The following CDH4 variants were observed in gnomAD, a reference collection of about 807,000 sequenced individuals.
CDH4 encodes the protein cadherin-4.
CDH4 carries 33 observed loss-of-function variants against 86.0 expected under a neutral mutation model. That is an observed-to-expected ratio of 0.38 (90% CI 0.29 to 0.51). The LOEUF is 0.51. Among genes scored for constraint, CDH4 ranks in the 20% least tolerant of loss-of-function variants. The probability of loss-of-function intolerance (pLI) is 0.86; values close to 1 mark genes in which losing one functional copy is unlikely to be tolerated. For missense variants in CDH4, 1,114 were observed against 1,307.4 expected (o/e 0.85, Z 2.28); for synonymous variants, 555 against 549.4 (o/e 1.01, Z -0.14).
chr20:61,817,372 C>G (rs1293130778), intron 4 of CDH4, among the ~76,000 whole-genome samples: 2 of 152,208 alleles, frequency 1.3e-5, no homozygotes, highest in East Asian at 3.9e-4. Flanking sequence ...TGGGCTTAGC[C>G]TACCCAGATC....
Position 61,516,206 on chromosome 20 carries a change from C to T in CDH4, c.170-227357C>T, listed in dbSNP as rs56663164. Among the ~76,000 whole-genome samples the T allele has an allele frequency of 0.11, 16,467 of 152,154 alleles. 3,035 individuals carry two copies. Among genetic ancestry groups the T allele is most frequent in the African/African-American group, 0.38 (15,572 of 41,450 alleles). On this transcript the variant is annotated intron_variant, in intron 2 of 15. Coordinates refer to ENST00000614565, the MANE Select transcript of CDH4 (RefSeq NM_001794.5). This position sits in a 1 kb window ranked among gnomAD's most constrained non-coding sequence, Gnocchi z 4.0. ...GCCACCTCTCTTACCCTAGAAGCTG[C>T]GGCAGGTGTCCGCCCTGGGGACTAA...
intron 2 of CDH4, among the ~76,000 whole-genome samples, chr20:61,336,911 G>A (rs2084620300): frequency 6.6e-6 from 1 of 152,282 alleles, no homozygotes; most frequent in South Asian, 2.1e-4. Flanking sequence ...AGCAATGACT[G>A]GGGAGTGAAG....
At chr20:61,642,814 G>A (rs181538335) in intron 2 of CDH4, among the ~76,000 whole-genome samples, 257 of 152,188 alleles carry the variant, frequency 1.7e-3, no homozygotes, top group African/African-American at 5.2e-3. Flanking sequence ...TCCTCAGCTC[G>A]TAGCTCCTTC....
intron 2 of CDH4, among the ~76,000 whole-genome samples, chr20:61,627,640 G>A (rs972262568): frequency 2.0e-5 from 3 of 152,172 alleles, no homozygotes; most frequent in Non-Finnish European, 4.4e-5. Context: ...ACCCCAGGAA[G>A]GTCCTTTGTG....
At chr20:61,827,435 A>G (rs75496820) in intron 4 of CDH4, among the ~76,000 whole-genome samples, 2 of 152,380 alleles carry the variant, frequency 1.3e-5, no homozygotes, top group African/African-American at 4.8e-5. Context: ...TATGGAATAA[A>G]GCAAATGAAT....
intron 2 of CDH4, among the ~76,000 whole-genome samples, chr20:61,700,733 CTGTCTTCATGGG>C (rs2087766328): frequency 6.6e-6 from 1 of 152,224 alleles, no homozygotes; most frequent in Admixed American, 6.5e-5. Flanking sequence ...GGGGCCATGT[CTGTCTTCATGGG>C]TGTCTTCTTC....
rs1555866315 is a variant in CDH4, at chr20:61,940,433, G to GTTGT, written c.*3495_*3498dup. ...GTCAACAGCACAACTATTTTGTATT[G>GTTGT]TTGTTTGTATCATTTTGTACCAAAA... On this transcript the variant is annotated 3_prime_UTR_variant, in exon 16 of 16. Transcript: ENST00000614565. 6 of 148,964 alleles carry GTTGT rather than the reference G, an allele frequency of 4.0e-5. No homozygotes were observed. The highest frequency in any genetic ancestry group is 7.4e-5 in the African/African-American group (3 of 40,272). 9.2% of individuals were successfully genotyped at this position (148,964 alleles called of 1,614,324 possible).
intron 2 of CDH4, among the ~76,000 whole-genome samples, chr20:61,509,283 G>A (rs2085762940): frequency 6.6e-6 from 1 of 151,880 alleles, no homozygotes; most frequent in African/African-American, 2.4e-5. Context: ...CCTAAACTAT[G>A]CCTCCTGCCC....
At chr20:61,590,875 A>T (rs928634010) in intron 2 of CDH4, among the ~76,000 whole-genome samples, 15 of 36,652 alleles carry the variant, frequency 4.1e-4, no homozygotes, top group Admixed American at 1.1e-3. Flanking sequence ...CCCTAAATCT[A>T]TGGGGGGGGG....
intron 4 of CDH4, among the ~76,000 whole-genome samples, chr20:61,833,129 C>T (rs1354023576): frequency 2.0e-5 from 3 of 151,936 alleles, no homozygotes; most frequent in South Asian, 2.1e-4. Flanking sequence ...GTACTCAGCC[C>T]GCATGATCCA....
intron 2 of CDH4, among the ~76,000 whole-genome samples, chr20:61,504,217 A>T (rs1402474495): frequency 6.6e-6 from 1 of 152,224 alleles, no homozygotes; most frequent in Non-Finnish European, 1.5e-5. Flanking sequence ...GGCCGGCCAC[A>T]CACTGGGGCG....
chr20:61,759,193 C>T (rs2145967169), intron 3 of CDH4, among the ~76,000 whole-genome samples: 1 of 152,324 alleles, frequency 6.6e-6, no homozygotes, highest in Non-Finnish European at 1.5e-5. Context: ...GAAAGTAAAA[C>T]TGAAGGCAGA....
rs1227909110 is a variant in CDH4 at position 61,582,632 on chromosome 20, C to T, written c.170-160931C>T. Among the ~76,000 whole-genome samples the T allele has an allele frequency of 2.6e-5, 4 of 152,172 alleles. No individual in the cohort carries two copies. The highest frequency in any genetic ancestry group is 4.8e-5 in the African/African-American group (2 of 41,442). On this transcript the variant is annotated intron_variant, in intron 2 of 15. Coordinates refer to ENST00000614565, the MANE Select transcript of CDH4 (RefSeq NM_001794.5). This position sits in a 1 kb window ranked among gnomAD's most constrained non-coding sequence, Gnocchi z 4.2. ...CTTCCGTCCCCTGCAGGGCCTGGTG[C>T]GGTGGAGCCCAGGCAGTGCTCCCTG...
chr20:61,700,897 G>A (rs544347486), intron 2 of CDH4, among the ~76,000 whole-genome samples: 12 of 152,366 alleles, frequency 7.9e-5, no homozygotes, highest in South Asian at 4.1e-4. Flanking sequence ...TCAAGGGAAC[G>A]GCGGCTCCCC....
rs143798635 is a variant in CDH4, at chr20:61,649,418, T to C, written c.170-94145T>C. ...CCTTTGTACTTTCTCCCTCACTTCT[T>C]TTTAAACCACCTTCCCTTGCACACT... is the stretch of plus-strand genomic sequence containing the variant. On this transcript the variant is annotated intron_variant, in intron 2 of 15. Transcript: ENST00000614565. Among the ~76,000 whole-genome samples, 1,422 of 152,336 alleles carry C rather than the reference T, an allele frequency of 9.3e-3. 17 individuals carry two copies. Among genetic ancestry groups the C allele is most frequent in the Middle Eastern group, 0.014 (4 of 294 alleles).
At chr20:61,443,209 G>A (rs1011503641) in intron 2 of CDH4, among the ~76,000 whole-genome samples, 30 of 152,218 alleles carry the variant, frequency 2.0e-4, no homozygotes, top group African/African-American at 4.3e-4. Context: ...TCCCCTGCAC[G>A]CTTATTTGTC....
chr20:61,328,722 G>C (rs2084551147), intron 2 of CDH4, among the ~76,000 whole-genome samples: 1 of 152,178 alleles, frequency 6.6e-6, no homozygotes, highest in South Asian at 2.1e-4. Flanking sequence ...GGAGGTTGAG[G>C]CTGCAGTGAG....
intron 2 of CDH4, among the ~76,000 whole-genome samples, chr20:61,730,203 G>A (rs138002159): frequency 3.9e-5 from 6 of 152,192 alleles, no homozygotes; most frequent in Admixed American, 1.3e-4. Context: ...TTGGTGTGGC[G>A]GATTCGTGGG....
chr20:61,291,586 G>T (rs189620245), intron 2 of CDH4, among the ~76,000 whole-genome samples: 2 of 152,216 alleles, frequency 1.3e-5, no homozygotes, highest in Non-Finnish European at 2.9e-5. Flanking sequence ...ACTGCCGGTC[G>T]GCAGGAGCTC....
Sources: gnomAD v4.1 joint callset for allele counts (sites outside exome capture counted in the v4.1 genomes callset) on GRCh38, gnomAD v4.1.1 for gene constraint, Gnocchi (gnomAD v3.1) non-coding constraint, MANE v1.5 for transcripts, NCBI Gene and HGNC (gene_info 2026-07-23, HGNC 2026-07-21) for gene names.